Variants in GALNTL5 observed in about 807,000 individuals in gnomAD.
GALNTL5 encodes the protein inactive polypeptide N-acetylgalactosaminyltransferase-like protein 5.
Under a neutral mutation model 51.0 loss-of-function variants are expected in GALNTL5, and 44 were observed. The observed-to-expected ratio is 0.86, with a 90% CI of 0.68 to 1.11. The LOEUF (loss-of-function observed/expected upper bound fraction) is 1.11. GALNTL5 is among the 50% of genes least tolerant of loss of function. The pLI is 0.00. For synonymous variants in GALNTL5, 192 were observed against 182.8 expected (o/e 1.05, Z -0.41); for missense variants, 528 against 531.8 (o/e 0.99, Z 0.07).
chr7:151,974,480 C>T (rs778484171), intron 3 of GALNTL5, among the ~76,000 whole-genome samples: 1 of 152,178 alleles, frequency 6.6e-6, no homozygotes, highest in Non-Finnish European at 1.5e-5. Context: ...CAGGAGAAAG[C>T]AGGGCCACTT....
At chr7:151,981,364 GC>G (rs1563009849) in intron 3 of GALNTL5, among the ~76,000 whole-genome samples, 1 of 152,138 alleles carries the variant, frequency 6.6e-6, no homozygotes, top group African/African-American at 2.4e-5. Flanking sequence ...CATCTTCACA[GC>G]CCTTGGAGGT....
chr7:151,999,836 T>C (rs62480046), intron 5 of GALNTL5, among the ~76,000 whole-genome samples: 43,671 of 152,112 alleles, frequency 0.29, 6,471 homozygotes, highest in South Asian at 0.44. Context: ...AGCTCAGTTT[T>C]GGTTGAGGCA....
chr7:152,005,990 G>C (rs1242916271), intron 6 of GALNTL5, among the ~76,000 whole-genome samples: 1 of 152,170 alleles, frequency 6.6e-6, no homozygotes, highest in Non-Finnish European at 1.5e-5. Flanking sequence ...CACTATGTGG[G>C]TGAGTGGAGA....
Position 151,970,777 on chromosome 7 carries a change from A to G in GALNTL5, c.248-168A>G, listed in dbSNP as rs568912533. The G allele has an allele frequency of 3.3e-4, 160 of 488,264 alleles. 1 individual carries two copies. Among genetic ancestry groups the G allele is most frequent in the African/African-American group, 3.1e-3 (153 of 49,690 alleles). The allele number at this position is 488,264 out of a possible 1,614,324, so 30.2% of individuals were successfully genotyped here. ...CCTTTATAGCAATGCAAAATGTACTAAAACACCCACCTTTGCCAAGAATTA... is the reference window on the plus strand; with the variant it reads ...CCTTTATAGCAATGCAAAATGTACTGAAACACCCACCTTTGCCAAGAATTA... On this transcript the variant is annotated intron_variant, in intron 2 of 8. Coordinates refer to ENST00000392800, the MANE Select transcript of GALNTL5 (RefSeq NM_145292.4).
At chr7:152,019,535 G>A (rs1234680129) in intron 8 of GALNTL5, 111 bp from the exon 9 acceptor site, 3 of 1,071,818 alleles carry the variant, frequency 2.8e-6, no homozygotes, top group South Asian at 1.6e-5. Context: ...GATCTGGAGG[G>A]CTTTTTTAGT....
rs1586857741 is a variant in GALNTL5 at position 152,014,742 on chromosome 7, T to C, written c.1125T>C (p.Ala375=). Residue 375 remains alanine, a synonymous_variant, in exon 8 of 9, where the codon GCT becomes GCC. Transcript: ENST00000392800. ...GAAAACCTTCTACAATCATCAGTGCTATGACACATAACTACCTAAGACTGG... is the reference window on the plus strand; with the variant it reads ...GAAAACCTTCTACAATCATCAGTGCCATGACACATAACTACCTAAGACTGG... ...QTGKPSTIIS[A]MTHNYLRLVH... 6.2e-7 allele frequency: 1 copy of C among 1,613,966 alleles called. No individual in the cohort carries two copies. Among genetic ancestry groups the C allele is most frequent in the East Asian group, 2.2e-5 (1 of 44,878 alleles).
chr7:151,973,361 A>G (rs1299049283), intron 3 of GALNTL5, among the ~76,000 whole-genome samples: 15 of 151,446 alleles, frequency 9.9e-5, no homozygotes, highest in Non-Finnish European at 2.2e-4. Context: ...GCTACTTGGG[A>G]GGCTGAGGCA....
At chr7:152,000,787 G>C (rs763521280) in intron 5 of GALNTL5, among the ~76,000 whole-genome samples, 10 of 151,990 alleles carry the variant, frequency 6.6e-5, no homozygotes, top group Non-Finnish European at 1.0e-4. Flanking sequence ...TAACTTGTAA[G>C]AATTATTTAT....
At chr7:151,967,150 G>A in intron 1 of GALNTL5, 58 bp from the exon 2 acceptor site, 1 of 1,099,218 alleles carries the variant, frequency 9.1e-7, no homozygotes, top group Non-Finnish European at 1.3e-6. Context: ...AGCCAAGTAG[G>A]TGATCTACAA....
At chr7:151,975,358 A>G (rs916702954) in intron 3 of GALNTL5, among the ~76,000 whole-genome samples, 3 of 152,078 alleles carry the variant, frequency 2.0e-5, no homozygotes, top group Non-Finnish European at 4.4e-5. Context: ...GTTGGCATAT[A>G]ATTGTTCATA....
intron 5 of GALNTL5, among the ~76,000 whole-genome samples, chr7:152,001,333 C>T (rs937526630): frequency 1.5e-4 from 23 of 151,898 alleles, no homozygotes; most frequent in African/African-American, 5.1e-4. Flanking sequence ...ATCTAAGAAA[C>T]CATTGCCTCA....
At chr7:151,963,805 G>A (rs2081023542) in intron 1 of GALNTL5, among the ~76,000 whole-genome samples, 1 of 152,144 alleles carries the variant, frequency 6.6e-6, no homozygotes, top group Non-Finnish European at 1.5e-5. Context: ...TTGTATGACT[G>A]TAGCACCTTC....
At chr7:151,991,062 G>C (rs920513528) in intron 5 of GALNTL5, among the ~76,000 whole-genome samples, 1 of 151,796 alleles carries the variant, frequency 6.6e-6, no homozygotes, top group African/African-American at 2.4e-5. Context: ...CTTACCCTGC[G>C]ATCATGATGA....
intron 7 of GALNTL5, among the ~76,000 whole-genome samples, chr7:152,010,119 CT>C (rs371662298): frequency 0.018 from 2,602 of 146,046 alleles, 63 homozygotes; most frequent in African/African-American, 0.056. Flanking sequence ...AAAGTGGCTT[CT>C]TTTTTTTTTT....
In GALNTL5 at chr7:151,987,200, C is replaced by CG; in HGVS notation, c.581dup (p.Val196GlyfsTer2). On this transcript the variant is annotated frameshift_variant, in exon 5 of 9. Coordinates refer to ENST00000392800, the MANE Select transcript of GALNTL5 (RefSeq NM_145292.4). LOFTEE classifies it high-confidence loss of function. ...ACTAGACTATCACCTGGAAACTTTT[C>CG]GGGGAAAGGTTAAAATAATAAGAAA... The CG allele has an allele frequency of 6.3e-7, 1 of 1,596,258 alleles. No homozygotes were observed. The highest frequency in any genetic ancestry group is 8.5e-7 in the Non-Finnish European group (1 of 1,174,140).
intron 7 of GALNTL5, among the ~76,000 whole-genome samples, chr7:152,012,860 A>G (rs1033976355): frequency 3.9e-5 from 6 of 152,100 alleles, no homozygotes; most frequent in Admixed American, 1.3e-4. Context: ...CCAGCTACTC[A>G]GGAGGCTTAG....
At chr7:152,013,231 C>T (rs2081761907) in intron 7 of GALNTL5, among the ~76,000 whole-genome samples, 1 of 151,996 alleles carries the variant, frequency 6.6e-6, no homozygotes, top group African/African-American at 2.4e-5. Context: ...AAAAAACTAC[C>T]TATTGAGTGC....
At chr7:151,983,422 T>TCA (rs1197921432) in intron 4 of GALNTL5, among the ~76,000 whole-genome samples, 2 of 151,986 alleles carry the variant, frequency 1.3e-5, no homozygotes, top group African/African-American at 4.8e-5. Flanking sequence ...AAGTGATCTG[T>TCA]CCGCCTCAGC....
In GALNTL5 at chr7:151,970,287, C is replaced by A. The variant is rs566692032; in HGVS notation, c.248-658C>A. 2.0e-5 allele frequency among the ~76,000 whole-genome samples: 3 copies of A among 152,218 alleles called. No homozygotes were observed. The East Asian group carries it at 5.8e-4, about 29-fold the overall frequency. On this transcript the variant is annotated intron_variant, in intron 2 of 8. Coordinates refer to ENST00000392800, the MANE Select transcript of GALNTL5 (RefSeq NM_145292.4). ...TAGCCTGCTTAAACCTATACTAAGC[C>A]ACTTAGAATTGAAAATGGACCATCA...
Sources: gnomAD v4.1 joint callset for allele counts (sites outside exome capture counted in the v4.1 genomes callset) on GRCh38, gnomAD v4.1.1 for gene constraint, MANE v1.5 for transcripts, NCBI Gene and HGNC (gene_info 2026-07-23, HGNC 2026-07-21) for gene names.